The following GRHL2 variants were observed in gnomAD, a reference collection of about 807,000 sequenced individuals.
GRHL2 encodes the protein grainyhead like transcription factor 2, also known as grainyhead-like protein 2 homolog.
Under a neutral mutation model 83.8 loss-of-function variants are expected in GRHL2, and 21 were observed. That is an observed-to-expected ratio of 0.25 (90% confidence interval 0.18 to 0.36). The LOEUF is 0.36. Among genes scored for constraint, GRHL2 ranks in the 10% least tolerant of loss-of-function variants. The pLI is 1.00. For synonymous variants in GRHL2, 280 were observed against 278.9 expected, an observed-to-expected ratio of 1.00 and a Z score of -0.04; for missense variants, 623 against 781.8, an observed-to-expected ratio of 0.80 and a Z score of 2.42.
At chr8:101,674,950 A>G in the GRHL2 span, among the ~76,000 whole-genome samples, 2 of 152,316 alleles carry the variant, frequency 1.3e-5, no homozygotes, top group East Asian at 3.8e-4. Flanking sequence ...AGAACCAAGG[A>G]CAAAAACCAC....
downstream of GRHL2, among the ~76,000 whole-genome samples, chr8:101,671,358 A>C (rs1221397971): frequency 6.6e-6 from 1 of 152,116 alleles, no homozygotes; most frequent in African/African-American, 2.4e-5. Context: ...ACACCAGGAG[A>C]TTATATCCCG....
At chr8:101,503,294 A>G (rs543177530) in intron 1 of GRHL2, among the ~76,000 whole-genome samples, 1 of 152,330 alleles carries the variant, frequency 6.6e-6, no homozygotes, top group South Asian at 2.1e-4. Context: ...AATAATTTTA[A>G]AAAGAACAAA....
chr8:101,657,257 G>A (rs1813812425), intron 14 of GRHL2, among the ~76,000 whole-genome samples: 1 of 152,190 alleles, frequency 6.6e-6, no homozygotes, highest in African/African-American at 2.4e-5. Context: ...GACTTCCAGA[G>A]CAGGCAGTTC....
chr8:101,572,674 C>A (rs1811850329), intron 5 of GRHL2, among the ~76,000 whole-genome samples: 1 of 151,932 alleles, frequency 6.6e-6, no homozygotes, highest in South Asian at 2.1e-4. Context: ...TGCAGTATAG[C>A]AGAAATAAAT....
intron 1 of GRHL2, among the ~76,000 whole-genome samples, chr8:101,530,845 T>C (rs1810910159): frequency 6.6e-6 from 1 of 152,232 alleles, no homozygotes; most frequent in South Asian, 2.1e-4. Flanking sequence ...GTATCCTGTC[T>C]GTTTATGAGT....
intron 14 of GRHL2, among the ~76,000 whole-genome samples, chr8:101,659,145 A>G (rs1003195540): frequency 2.0e-5 from 3 of 152,222 alleles, no homozygotes; most frequent in African/African-American, 7.2e-5. Context: ...AATATGATCT[A>G]TGGGTGAGAC....
Position 101,619,608 on chromosome 8 carries a change from A to G in GRHL2, c.1168A>G (p.Met390Val), listed in dbSNP as rs1350523050. Residue 390 changes from methionine to valine, a missense_variant, in exon 9 of 16, where the codon ATG (methionine) becomes GTG (valine). By Grantham distance (21) the Met-to-Val change is conservative. Coordinates refer to ENST00000646743, the MANE Select transcript of GRHL2 (RefSeq NM_024915.4). ...SQKGVKGLPL[M>V]IQIDTYSYNN... ...AAAAGGGGTGAAAGGACTTCCTTTG[A>G]TGATTCAGATTGACACATACAGTTA... The G allele has an allele frequency of 3.1e-6, 5 of 1,613,264 alleles. No individual in the cohort carries two copies. The highest frequency in any genetic ancestry group is 4.2e-6 in the Non-Finnish European group (5 of 1,179,386).
In GRHL2 at chr8:101,664,438, G is replaced by A. The variant is rs1157154497; in HGVS notation, c.1699-16G>A. On this transcript the variant is annotated splice_polypyrimidine_tract_variant and intron_variant, in intron 14 of 15. Coordinates refer to ENST00000646743, the MANE Select transcript of GRHL2 (RefSeq NM_024915.4). ...TCCTTCTGTGCTCATCTGCCTTCTT[G>A]TTATTGGTATTACAGATATCTGAGA... The A allele has an allele frequency of 1.2e-6, 2 of 1,607,224 alleles. No individual in the cohort carries two copies. Among genetic ancestry groups the A allele is most frequent in the African/African-American group, 2.7e-5 (2 of 74,808 alleles).
At chr8:101,584,450 A>G (rs1812122265) in intron 7 of GRHL2, among the ~76,000 whole-genome samples, 1 of 152,202 alleles carries the variant, frequency 6.6e-6, no homozygotes, top group African/African-American at 2.4e-5. Context: ...GCCTCTTAAG[A>G]GACTCTTGAT....
chr8:101,671,025 G>A (rs1019442089), downstream of GRHL2, among the ~76,000 whole-genome samples: 1 of 152,146 alleles, frequency 6.6e-6, no homozygotes, highest in Admixed American at 6.5e-5. Flanking sequence ...ATGGTGAAAA[G>A]GCACCAAGGG....
chr8:101,537,462 A>C (rs1025829531), intron 1 of GRHL2, among the ~76,000 whole-genome samples: 2 of 152,200 alleles, frequency 1.3e-5, no homozygotes, highest in African/African-American at 4.8e-5. Context: ...AAAAATGGCC[A>C]AGAAAATTCA....
chr8:101,664,913 G>C (rs1200730198), intron 15 of GRHL2, among the ~76,000 whole-genome samples: 7 of 152,136 alleles, frequency 4.6e-5, no homozygotes, highest in African/African-American at 1.7e-4. Context: ...TTGGAACATA[G>C]GGGATTCCTC....
intron 11 of GRHL2, among the ~76,000 whole-genome samples, chr8:101,636,031 G>A (rs952897642): frequency 1.3e-5 from 2 of 152,112 alleles, no homozygotes; most frequent in African/African-American, 4.8e-5. Flanking sequence ...ATATGTAAAT[G>A]TCTGATACTA....
intron 1 of GRHL2, among the ~76,000 whole-genome samples, chr8:101,540,933 A>G (rs1312780499): frequency 6.6e-6 from 1 of 152,102 alleles, no homozygotes; most frequent in Non-Finnish European, 1.5e-5. Flanking sequence ...TCACCTGAAT[A>G]GTGTACATTG....
chr8:101,657,153 C>A (rs772734924), intron 14 of GRHL2, among the ~76,000 whole-genome samples: 6 of 152,208 alleles, frequency 3.9e-5, no homozygotes, highest in Non-Finnish European at 8.8e-5. Context: ...GCAGCATTTA[C>A]AAGCAAGAGT....
intron 1 of GRHL2, among the ~76,000 whole-genome samples, chr8:101,519,107 AT>A (rs1810629806): frequency 6.6e-6 from 1 of 152,034 alleles, no homozygotes; most frequent in Non-Finnish European, 1.5e-5. Context: ...CCCTACTCTA[AT>A]GCCTTTCACC....
intron 1 of GRHL2, among the ~76,000 whole-genome samples, chr8:101,526,190 A>G (rs1418925033): frequency 6.6e-6 from 1 of 152,230 alleles, no homozygotes; most frequent in African/African-American, 2.4e-5. Context: ...ATATAACTAT[A>G]TATTCTTTGA....
At chr8:101,636,354 T>C (rs989425200) in intron 11 of GRHL2, among the ~76,000 whole-genome samples, 1 of 152,196 alleles carries the variant, frequency 6.6e-6, no homozygotes, top group African/African-American at 2.4e-5. Flanking sequence ...ATTTCTGTGG[T>C]TGCGGGATGC....
At chr8:101,670,959 A>C (rs1814195408), downstream of GRHL2, among the ~76,000 whole-genome samples, 1 of 152,198 alleles carries the variant, frequency 6.6e-6, no homozygotes, top group Admixed American at 6.5e-5. Flanking sequence ...TTGGGGACTC[A>C]GGAATTCTAT....
Sources: allele counts gnomAD v4.1 joint callset (sites outside exome capture counted in the v4.1 genomes callset), GRCh38; gene constraint gnomAD v4.1.1; transcripts MANE v1.5; gene names NCBI Gene and HGNC (gene_info 2026-07-23, HGNC 2026-07-21).